The following PEX6 variants were observed in gnomAD, a reference collection of about 807,000 sequenced individuals.
PEX6 encodes the protein peroxisome biogenesis factor 6.
A neutral mutation model predicts 85.6 loss-of-function variants in PEX6; 55 were observed. The ratio of observed to expected loss-of-function variants is 0.64; its 90% CI spans 0.52 to 0.80. The LOEUF is 0.80. Among genes scored for constraint, PEX6 ranks in the 30% least tolerant of loss-of-function variants. The pLI is 0.00. For synonymous variants in PEX6, 519 were observed against 549.1 expected (o/e 0.95, Z 0.77); for missense variants, 1,099 against 1,260.3 (o/e 0.87, Z 1.94).
At position 42,966,632 on chromosome 6, in the gene PEX6, C is replaced by A; in HGVS notation, c.1987G>T (p.Asp663Tyr). ...CCGGCAGCACACAGCTCCCCCTCAT[C>A]CTCCTCAGTCAAGCCACCTGCCAAA... Reference protein sequence around the residue: ...SGLAGGLTEEDEGELCAAGFP... With the variant: ...SGLAGGLTEEYEGELCAAGFP... Residue 663 changes from aspartate to tyrosine, a missense_variant, in exon 10 of 17, where the codon GAT (aspartate) becomes TAT (tyrosine). Asp to Tyr is a radical substitution (Grantham distance 160, BLOSUM62 -3). Transcript: ENST00000304611. 6.2e-7 allele frequency: 1 copy of A among 1,614,182 alleles called. No homozygotes were observed. The highest frequency in any genetic ancestry group is 8.5e-7 in the Non-Finnish European group (1 of 1,180,038).
Position 42,978,718 on chromosome 6 carries a change from AC to A in PEX6, c.432del (p.Leu145CysfsTer13). 6.5e-7 allele frequency: 1 copy of A among 1,540,738 alleles called. No individual in the cohort carries two copies. Among genetic ancestry groups the A allele is most frequent in the Non-Finnish European group, 8.7e-7 (1 of 1,149,500 alleles). ...GTCCCTGGGCCCAGCAGCCCTTGCA[AC>A]GCCGGCCGCGTCTCCAGCACCCGCG... Reference protein sequence around the residue: ...PGPRVLETRPALQGLLGPGTR... With the variant: ...PGPRVLETRPXLQGLLGPGTR... On this transcript the variant is annotated frameshift_variant, in exon 1 of 17. Coordinates refer to ENST00000304611, the MANE Select transcript of PEX6 (RefSeq NM_000287.4). LOFTEE classifies it high-confidence loss of function.
chr6:42,964,317 C>T lies in PEX6; in HGVS notation c.*18G>A. ...ACCTGCAGCCATGCTGAGCGGGGTC[C>T]CAGACCCTGGGGGGCTCCTAGCAGG... On this transcript the variant is annotated 3_prime_UTR_variant, in exon 17 of 17. Coordinates refer to ENST00000304611, the MANE Select transcript of PEX6 (RefSeq NM_000287.4). This position sits in a 1 kb window ranked among gnomAD's most constrained non-coding sequence, Gnocchi z 4.6. 6.2e-7 allele frequency: 1 copy of T among 1,613,326 alleles called. No individual in the cohort carries two copies.
Position 42,978,611 on chromosome 6 carries a change from G to C in PEX6, c.540C>G (p.Pro180=). Residue 180 remains proline, a synonymous_variant, in exon 1 of 17, where the codon CCC becomes CCG. Coordinates refer to ENST00000304611, the MANE Select transcript of PEX6 (RefSeq NM_000287.4). Reference sequence around the variant, plus strand: ...CAGAAACCGCAAAGGAGGACACCACGGGCGGGGGTGGGGGCCGACTGCTGT... The same window carrying C: ...CAGAAACCGCAAAGGAGGACACCACCGGCGGGGGTGGGGGCCGACTGCTGT... ...SGDSSRPPPP[P]VVSSFAVSGT... is the part of the protein sequence containing the mutation. The C allele has an allele frequency of 6.2e-7, 1 of 1,602,394 alleles. No individual in the cohort carries two copies. Among genetic ancestry groups the C allele is most frequent in the Non-Finnish European group, 8.5e-7 (1 of 1,177,318 alleles).
rs1290209765 is a variant in PEX6 at position 42,978,611 on chromosome 6, G to A, written c.540C>T (p.Pro180=). Residue 180 remains proline, a synonymous_variant, in exon 1 of 17, where the codon CCC becomes CCT. Transcript: ENST00000304611. ...SGDSSRPPPP[P]VVSSFAVSGT... is the part of the protein sequence containing the mutation. ...CAGAAACCGCAAAGGAGGACACCACGGGCGGGGGTGGGGGCCGACTGCTGT... is the reference window on the plus strand; with the variant it reads ...CAGAAACCGCAAAGGAGGACACCACAGGCGGGGGTGGGGGCCGACTGCTGT... 1.2e-6 allele frequency: 2 copies of A among 1,602,394 alleles called. No homozygotes were observed. The highest frequency in any genetic ancestry group is 1.7e-6 in the Non-Finnish European group (2 of 1,177,318).
intron 3 of PEX6, among the ~76,000 whole-genome samples, chr6:42,972,973 A>C (rs1323009090): frequency 6.6e-6 from 1 of 152,144 alleles, no homozygotes; most frequent in Non-Finnish European, 1.5e-5. Context: ...GGTCTAGGCC[A>C]TTAAACTCTT....
intron 1 of PEX6, among the ~76,000 whole-genome samples, chr6:42,976,801 G>A (rs1037409244): frequency 6.6e-6 from 1 of 152,048 alleles, no homozygotes; most frequent in Non-Finnish European, 1.5e-5. Context: ...TGAAGTAAAG[G>A]CAGAAACCAA....
In PEX6 at chr6:42,978,916, C is replaced by T. The variant is rs61752141; in HGVS notation, c.235G>A (p.Ala79Thr). ...CCCAGTGCCAGGAGCCGCAGCAGCGCGCGGCTAACCAGTAGCTGCGGCGGC... is the reference window on the plus strand; with the variant it reads ...CCCAGTGCCAGGAGCCGCAGCAGCGTGCGGCTAACCAGTAGCTGCGGCGGC... ...PGPPQLLVSR[A>T]LLRLLALGSG... Residue 79 changes from alanine (A) to threonine (T), a missense_variant, in exon 1 of 17, where the codon GCG (alanine) becomes ACG (threonine). Transcript: ENST00000304611. 337 of 1,486,376 alleles carry T rather than the reference C, an allele frequency of 2.3e-4. No homozygotes were observed. Among genetic ancestry groups the T allele is most frequent in the Non-Finnish European group, 7.2e-5 (81 of 1,126,728 alleles). 92.1% of individuals were successfully genotyped at this position (1,486,376 alleles called of 1,614,324 possible). A position where few individuals can be genotyped will look rare whatever the true frequency, so the allele number is the denominator to read the frequency against.
chr6:42,964,237 C>T lies in PEX6; in HGVS notation c.*98G>A. ...GGGAGGTGGCCTCCAGGTGGGTTGG[C>T]AGCAGCCTGAGGAGGAGCCCTTCCT... is the stretch of plus-strand genomic sequence containing the variant. On this transcript the variant is annotated 3_prime_UTR_variant, in exon 17 of 17. Coordinates refer to ENST00000304611, the MANE Select transcript of PEX6 (RefSeq NM_000287.4). The surrounding 1 kb of genome is among the most constrained non-coding windows in gnomAD (Gnocchi z 4.6). 1 of 1,489,252 alleles carries T rather than the reference C, an allele frequency of 6.7e-7. No homozygotes were observed. The highest frequency in any genetic ancestry group is 1.2e-5 in the South Asian group (1 of 86,156). 92.3% of individuals were successfully genotyped at this position (1,489,252 alleles called of 1,614,324 possible). A position where few individuals can be genotyped will look rare whatever the true frequency, so the allele number is the denominator to read the frequency against.
Position 42,965,562 on chromosome 6 carries a change from A to G in PEX6, c.2471+119T>C. On this transcript the variant is annotated intron_variant, in intron 13 of 16. Transcript: ENST00000304611. The surrounding 1 kb of genome is among the most constrained non-coding windows in gnomAD (Gnocchi z 5.0). ...CATGGCCCCTTTCAGCTTCCATTAT[A>G]TTATCTCAGAACTGAAACAGCAGGA... 1.1e-6 allele frequency: 1 copy of G among 920,442 alleles called. No individual in the cohort carries two copies. Among genetic ancestry groups the G allele is most frequent in the Non-Finnish European group, 1.8e-6 (1 of 549,148 alleles). The allele number at this position is 920,442 out of a possible 1,614,324, so 57.0% of individuals were successfully genotyped here.
At chr6:42,975,301 A>G (rs552677547) in intron 1 of PEX6, among the ~76,000 whole-genome samples, 4 of 152,346 alleles carry the variant, frequency 2.6e-5, no homozygotes, top group Admixed American at 1.3e-4. Context: ...AACTTGGCCC[A>G]GAGCCAGTGA....
At chr6:42,975,503 G>A (rs1395614078) in intron 1 of PEX6, among the ~76,000 whole-genome samples, 1 of 152,078 alleles carries the variant, frequency 6.6e-6, no homozygotes, top group East Asian at 1.9e-4. Context: ...CATTCAGGAG[G>A]AAACCTACAT....
In PEX6 at chr6:42,965,300, G is replaced by A; in HGVS notation, c.2540C>T (p.Ala847Val). The change falls in exon 14 of 17, where the codon GCC (alanine) becomes GTC (valine). Residue 847 changes from alanine (A) to valine (V), a missense_variant. Coordinates refer to ENST00000304611, the MANE Select transcript of PEX6 (RefSeq NM_000287.4). This position sits in a 1 kb window ranked among gnomAD's most constrained non-coding sequence, Gnocchi z 5.0. Reference protein sequence around the residue: ...HSTQDVFVIGATNRPDLLDPA... With the variant: ...HSTQDVFVIGVTNRPDLLDPA... ...GTCCAGGAGATCTGGTCTGTTGGTGGCTCCAATCACAAACACATCCTGAGT... is the reference window on the plus strand; with the variant it reads ...GTCCAGGAGATCTGGTCTGTTGGTGACTCCAATCACAAACACATCCTGAGT... 1.2e-6 allele frequency: 2 copies of A among 1,614,120 alleles called. No homozygotes were observed. Among genetic ancestry groups the A allele is most frequent in the South Asian group, 1.1e-5 (1 of 91,084 alleles).
At position 42,966,536 on chromosome 6, in the gene PEX6, CA is replaced by C. The variant is rs766483138; in HGVS notation, c.2082del (p.Gly695GlufsTer19). The C allele has an allele frequency of 1.7e-5, 27 of 1,614,124 alleles. No individual in the cohort carries two copies. Among genetic ancestry groups the C allele is most frequent in the Non-Finnish European group, 2.3e-5 (27 of 1,180,016 alleles). ...EQLQTAHSQA[V>X]GAPKIPSVSW... is the part of the protein sequence containing the mutation. Reference sequence around the variant, plus strand: ...GACTTGGTCTCCACCTTGGGGGCTCCAACGGCCTGGGAGTGAGCTGTCTGCA... The same window carrying C: ...GACTTGGTCTCCACCTTGGGGGCTCCACGGCCTGGGAGTGAGCTGTCTGCA... On this transcript the variant is annotated frameshift_variant, in exon 10 of 17. Coordinates refer to ENST00000304611, the MANE Select transcript of PEX6 (RefSeq NM_000287.4). LOFTEE classifies it high-confidence loss of function.
Position 42,965,021 on chromosome 6 carries a change from C to G in PEX6, c.2666+54G>C. ...GCTCATCCTGCATGTTGCATGCATCCCCTAAGCATCCCAAGGCCCAAGCCC... is the reference window on the plus strand; with the variant it reads ...GCTCATCCTGCATGTTGCATGCATCGCCTAAGCATCCCAAGGCCCAAGCCC... On this transcript the variant is annotated intron_variant, in intron 15 of 16. Coordinates refer to ENST00000304611, the MANE Select transcript of PEX6 (RefSeq NM_000287.4). This position sits in a 1 kb window ranked among gnomAD's most constrained non-coding sequence, Gnocchi z 5.0. 1 of 1,608,926 alleles carries G rather than the reference C, an allele frequency of 6.2e-7. No individual in the cohort carries two copies. The highest frequency in any genetic ancestry group is 8.5e-7 in the Non-Finnish European group (1 of 1,175,208).
rs1769922737 is a variant in PEX6, at chr6:42,968,340, A to G, written c.1638T>C (p.Arg546=). The G allele has an allele frequency of 6.2e-7, 1 of 1,614,146 alleles. No homozygotes were observed. Among genetic ancestry groups the G allele is most frequent in the Non-Finnish European group, 8.5e-7 (1 of 1,180,034 alleles). The part of the protein sequence containing the change: ...RDRDGLGEDA[R]VMAVLRHLLL... Reference sequence around the variant, plus strand: ...GGAGGTGACGCAGCACAGCCATCACACGGGCATCCTCACCCAGCCCATCAC... The same window carrying G: ...GGAGGTGACGCAGCACAGCCATCACGCGGGCATCCTCACCCAGCCCATCAC... The change falls in exon 7 of 17, where the codon CGT becomes CGC. Residue 546 remains arginine (R), a synonymous_variant. Transcript: ENST00000304611.
At position 42,978,964 on chromosome 6, in the gene PEX6, C is replaced by T. The variant is rs958375823; in HGVS notation, c.187G>A (p.Gly63Ser). 25 of 1,497,438 alleles carry T rather than the reference C, an allele frequency of 1.7e-5. No homozygotes were observed. The Middle Eastern group carries it at 7.1e-4, about 42-fold the overall frequency. The allele number at this position is 1,497,438 out of a possible 1,614,324, so 92.8% of individuals were successfully genotyped here. A position where few individuals can be genotyped will look rare whatever the true frequency, so the allele number is the denominator to read the frequency against. The change falls in exon 1 of 17, where the codon GGC becomes AGC. Residue 63 changes from glycine (G) to serine (S), a missense_variant. Gly to Ser is a moderately conservative substitution (Grantham distance 56). Transcript: ENST00000304611. Reference sequence around the variant, plus strand: ...GGCCCGGGACCCTGCTCTTCGGTGCCCGCGTCCGGCCCCTCCAGGGCTGCC... The same window carrying T: ...GGCCCGGGACCCTGCTCTTCGGTGCTCGCGTCCGGCCCCTCCAGGGCTGCC... Reference protein sequence around the residue: ...LVAALEGPDAGTEEQGPGPPQ... With the variant: ...LVAALEGPDASTEEQGPGPPQ...
Position 42,967,560 on chromosome 6 carries a change from G to A in PEX6, c.1692C>T (p.Cys564=), listed in dbSNP as rs1385474057. 1.9e-6 allele frequency: 3 copies of A among 1,598,288 alleles called. No individual in the cohort carries two copies. Among genetic ancestry groups the A allele is most frequent in the Non-Finnish European group, 2.6e-6 (3 of 1,173,470 alleles). The change falls in exon 8 of 17, where the codon TGC becomes TGT. Residue 564 remains cysteine, a synonymous_variant. Coordinates refer to ENST00000304611, the MANE Select transcript of PEX6 (RefSeq NM_000287.4). ...TGGTGGCCACAACCATGAGGGGAGG[G>A]CAGCTGCAGACAGAGGAGTGGGCAC... ...LLLNEDPLNS[C]PPLMVVATTS...
rs965685970 is a variant in PEX6, at chr6:42,965,945, G to T, written c.2362+99C>A. 15 of 1,432,010 alleles carry T rather than the reference G, an allele frequency of 1.0e-5. No individual in the cohort carries two copies. Among genetic ancestry groups the T allele is most frequent in the Non-Finnish European group, 1.5e-5 (15 of 1,017,096 alleles). 88.7% of individuals were successfully genotyped at this position (1,432,010 alleles called of 1,614,324 possible). On this transcript the variant is annotated intron_variant, in intron 12 of 16. Coordinates refer to ENST00000304611, the MANE Select transcript of PEX6 (RefSeq NM_000287.4). The surrounding 1 kb of genome is among the most constrained non-coding windows in gnomAD (Gnocchi z 5.0). ...CAGGAACCTGACTTGTAGAAAGGAGGATTAGGAATGATCATGAGTAGCCTG... is the reference window on the plus strand; with the variant it reads ...CAGGAACCTGACTTGTAGAAAGGAGTATTAGGAATGATCATGAGTAGCCTG...
In PEX6 at chr6:42,974,859, AGG is replaced by A; in HGVS notation, c.1046+14_1046+15del. ...AGGGTGAGAAGCTATCCTCCTTAAAAGGTTAGGTAGCTAACCTGGGTATCTGA... is the reference window on the plus strand; with the variant it reads ...AGGGTGAGAAGCTATCCTCCTTAAAATTAGGTAGCTAACCTGGGTATCTGA... On this transcript the variant is annotated intron_variant, in intron 2 of 16. Coordinates refer to ENST00000304611, the MANE Select transcript of PEX6 (RefSeq NM_000287.4). 6.2e-7 allele frequency: 1 copy of A among 1,611,444 alleles called. No individual in the cohort carries two copies. Among genetic ancestry groups the A allele is most frequent in the Non-Finnish European group, 8.5e-7 (1 of 1,177,602 alleles).
Sources: gnomAD v4.1 joint callset for allele counts (sites outside exome capture counted in the v4.1 genomes callset) on GRCh38, gnomAD v4.1.1 for gene constraint, Gnocchi (gnomAD v3.1) non-coding constraint, MANE v1.5 for transcripts, NCBI Gene and HGNC (gene_info 2026-07-23, HGNC 2026-07-21) for gene names.